TFRC: variants seen among roughly 807,000 people sequenced by gnomAD.
TFRC encodes transferrin receptor protein 1.
TFRC carries 35 observed loss-of-function variants against 85.8 expected under a neutral mutation model. That is an observed-to-expected ratio of 0.41 (90% CI 0.31 to 0.54). TFRC has a LOEUF of 0.54. Among genes scored for constraint, TFRC ranks in the 20% least tolerant of loss-of-function variants. The pLI is 0.31. For missense variants in TFRC, 828 were observed against 921.5 expected (o/e 0.90, Z 1.31); for synonymous variants, 362 against 328.6 (o/e 1.10, Z -1.10).
intron 6 of TFRC, among the ~76,000 whole-genome samples, chr3:196,071,186 T>C (rs1374351502): frequency 1.3e-5 from 2 of 152,170 alleles, no homozygotes; most frequent in Non-Finnish European, 2.9e-5. Context: ...CTGCTAGCAG[T>C]ACTATAAAGA....
intron 1 of TFRC, among the ~76,000 whole-genome samples, chr3:196,080,864 C>T (rs1286465172): frequency 3.9e-5 from 6 of 152,174 alleles, no homozygotes; most frequent in African/African-American, 1.2e-4. Flanking sequence ...CCAGCAGGGT[C>T]CACAAGTACT....
rs41300405 is a variant in TFRC, at chr3:196,081,558, C to A, written c.-24+485G>T. Among the ~76,000 whole-genome samples, 1,402 of 152,334 alleles carry A rather than the reference C, an allele frequency of 9.2e-3. 27 individuals are homozygous for A. Among genetic ancestry groups the A allele is most frequent in the African/African-American group, 0.032 (1,346 of 41,576 alleles). ...CGACTTCCTGGAGCAGCCACGTGTT[C>A]CCCCGGCGCCGCACGCCGCGCAGCT... On this transcript the variant is annotated intron_variant, in intron 1 of 18. Transcript: ENST00000360110.
At chr3:196,053,655 A>C (rs371146833) in intron 17 of TFRC, 97 bp from the exon 18 acceptor site, 3 of 1,496,698 alleles carry the variant, frequency 2.0e-6, no homozygotes, top group East Asian at 2.3e-5. Flanking sequence ...GATTCTGATA[A>C]AAGGAACTCG....
At chr3:196,070,705 G>C (rs11185506) in intron 6 of TFRC, among the ~76,000 whole-genome samples, 71,889 of 150,312 alleles carry the variant, frequency 0.48, 18,991 homozygotes, top group Non-Finnish European at 0.61. Context: ...TGAGGGTGGT[G>C]AATCACCTGA....
Position 196,052,078 on chromosome 3 carries a change from A to G in TFRC, c.2147T>C (p.Leu716Ser), listed in dbSNP as rs1177751232. The G allele has an allele frequency of 1.2e-6, 2 of 1,613,972 alleles. No homozygotes were observed. The highest frequency in any genetic ancestry group is 1.7e-6 in the Non-Finnish European group (2 of 1,180,008). The change falls in exon 19 of 19, where the codon TTG becomes TCG. Residue 716 changes from leucine (L) to serine (S), a missense_variant. Leu to Ser is a moderately radical substitution (Grantham distance 145). Coordinates refer to ENST00000360110, the MANE Select transcript of TFRC (RefSeq NM_001128148.3). ...ACCGTTATTTTGTTTACGCAGTTTCAAGTTCTCCAGTAAAGCTGGCAGCGT... is the reference window on the plus strand; with the variant it reads ...ACCGTTATTTTGTTTACGCAGTTTCGAGTTCTCCAGTAAAGCTGGCAGCGT... ...SHTLPALLENLKLRKQNNGAF... is the reference protein window; with the variant it reads ...SHTLPALLENSKLRKQNNGAF...
chr3:196,053,451 A>C lies in TFRC; in HGVS notation c.2007T>G (p.Phe669Leu). Residue 669 changes from phenylalanine to leucine, a missense_variant, in exon 18 of 19, where the codon TTT (phenylalanine) becomes TTG (leucine). By Grantham distance (22) the Phe-to-Leu change is conservative. Coordinates refer to ENST00000360110, the MANE Select transcript of TFRC (RefSeq NM_001128148.3). ...DFGNAEKTDRFVMKKLNDRVM... is the reference protein window; with the variant it reads ...DFGNAEKTDRLVMKKLNDRVM... Reference sequence around the variant, plus strand: ...CACGATCATTGAGTTTCTTCATGACAAATCTGTCTGTTTTCTCAGCATTCC... The same window carrying C: ...CACGATCATTGAGTTTCTTCATGACCAATCTGTCTGTTTTCTCAGCATTCC... The C allele has an allele frequency of 1.9e-6, 3 of 1,614,216 alleles. No individual in the cohort carries two copies. The highest frequency in any genetic ancestry group is 2.5e-6 in the Non-Finnish European group (3 of 1,180,032).
At chr3:196,053,074 A>G (rs1716472967) in intron 18 of TFRC, among the ~76,000 whole-genome samples, 2 of 151,924 alleles carry the variant, frequency 1.3e-5, no homozygotes, top group South Asian at 4.2e-4. Context: ...AGACCGTGCC[A>G]TTGCACTCCA....
chr3:196,074,738 G>C (rs1249435546), intron 3 of TFRC, among the ~76,000 whole-genome samples: 1 of 152,040 alleles, frequency 6.6e-6, no homozygotes, highest in Non-Finnish European at 1.5e-5. Context: ...AATTAGCCAG[G>C]TGTGGTGGTG....
intron 11 of TFRC, 102 bp downstream of exon 11, chr3:196,064,207 T>G (rs1717518661): frequency 8.4e-5 from 107 of 1,270,644 alleles, no homozygotes; most frequent in East Asian, 3.3e-4. Context: ...GAGTCTAGCA[T>G]GAGAACCACA....
chr3:196,053,328 C>T (rs1283744439), intron 18 of TFRC, 90 bp downstream of exon 18: 5 of 1,430,610 alleles, frequency 3.5e-6, no homozygotes, highest in East Asian at 4.6e-5. Context: ...GAATTCTAGA[C>T]TCCTAGAGTT....
chr3:196,065,434 G>GGGGGGGGTTT lies in TFRC; in HGVS notation c.1198+8_1198+9insAAACCCCCCC. 1.6e-6 allele frequency: 1 copy of GGGGGGGGTTT among 621,572 alleles called. No individual in the cohort carries two copies. The highest frequency in any genetic ancestry group is 2.2e-6 in the Non-Finnish European group (1 of 454,808). 38.5% of individuals were successfully genotyped at this position (621,572 alleles called of 1,614,324 possible). A position where few individuals can be genotyped will look rare whatever the true frequency, so the allele number is the denominator to read the frequency against. ...AAGCGGGGCGGGGGGGGGGGGGGGC[G>GGGGGGGGTTT]GTCTTTACCTGGTTCTACAAAGCCT... On this transcript the variant is annotated intron_variant, in intron 10 of 18. Coordinates refer to ENST00000360110, the MANE Select transcript of TFRC (RefSeq NM_001128148.3).
chr3:196,077,446 T>C lies in TFRC; in HGVS notation c.-23-324A>G, dbSNP rs1352538890. ...ATTATAAGTACGAACCACTATGTTC[T>C]GAGTAGACAAAAGTGACACATACTG... is the stretch of plus-strand genomic sequence containing the variant. On this transcript the variant is annotated intron_variant, in intron 1 of 18. Transcript: ENST00000360110. Among the ~76,000 whole-genome samples the C allele has an allele frequency of 1.3e-5, 2 of 151,650 alleles. 1 individual carries two copies. Among genetic ancestry groups the C allele is most frequent in the South Asian group, 4.2e-4 (2 of 4,746 alleles).
chr3:196,064,446 G>T lies in TFRC; in HGVS notation c.1199-18C>A. 1 of 1,569,512 alleles carries T rather than the reference G, an allele frequency of 6.4e-7. No homozygotes were observed. The highest frequency in any genetic ancestry group is 8.6e-7 in the Non-Finnish European group (1 of 1,166,576). ...ATAGTGATCTTTAAAAAAGAAAAAA[G>T]AGGAAGAAAGAACTTATATAATCAG... On this transcript the variant is annotated intron_variant, in intron 10 of 18. Coordinates refer to ENST00000360110, the MANE Select transcript of TFRC (RefSeq NM_001128148.3).
intron 7 of TFRC, 27 bp from the exon 8 acceptor site, chr3:196,068,157 A>G (rs1353077474): frequency 6.4e-7 from 1 of 1,556,156 alleles, no homozygotes; most frequent in Admixed American, 1.7e-5. Context: ...AAAGCTCAGA[A>G]AATGAAGATC....
At position 196,074,059 on chromosome 3, in the gene TFRC, G is replaced by T. The variant is rs767186270; in HGVS notation, c.305C>A (p.Ala102Glu). 2.5e-5 allele frequency: 41 copies of T among 1,613,968 alleles called. No homozygotes were observed. In the East Asian group the frequency reaches 8.5e-4, roughly 33 times the overall value. Residue 102 changes from alanine to glutamate, a missense_variant, in exon 4 of 19, where the codon GCA (alanine) becomes GAA (glutamate). Coordinates refer to ENST00000360110, the MANE Select transcript of TFRC (RefSeq NM_001128148.3). ...CTCCCTCACTGGAGACTCGGTTCCT[G>T]CCAGTCTCTCACACTCAGTTTTTGG... Reference protein sequence around the residue: ...VEPKTECERLAGTESPVREEP... With the variant: ...VEPKTECERLEGTESPVREEP...
chr3:196,065,428 G>GGA lies in TFRC; in HGVS notation c.1198+14_1198+15insTC. On this transcript the variant is annotated intron_variant, in intron 10 of 18. Coordinates refer to ENST00000360110, the MANE Select transcript of TFRC (RefSeq NM_001128148.3). Reference sequence around the variant, plus strand: ...AAAAAAAAGCGGGGCGGGGGGGGGGGGGGGCGGTCTTTACCTGGTTCTACA... The same window carrying GGA: ...AAAAAAAAGCGGGGCGGGGGGGGGGGGAGGGGCGGTCTTTACCTGGTTCTACA... 1 of 675,944 alleles carries GGA rather than the reference G, an allele frequency of 1.5e-6. No individual in the cohort carries two copies. The highest frequency in any genetic ancestry group is 2.0e-6 in the Non-Finnish European group (1 of 493,298). 41.9% of individuals were successfully genotyped at this position (675,944 alleles called of 1,614,324 possible).
At chr3:196,059,354 G>A (rs1348641486) in intron 14 of TFRC, among the ~76,000 whole-genome samples, 1 of 152,050 alleles carries the variant, frequency 6.6e-6, no homozygotes, top group Non-Finnish European at 1.5e-5. Context: ...ACAAAACCAT[G>A]GTGGCTTACC....
intron 17 of TFRC, among the ~76,000 whole-genome samples, chr3:196,054,816 G>A (rs1716637860): frequency 6.6e-6 from 1 of 152,200 alleles, no homozygotes; most frequent in African/African-American, 2.4e-5. Context: ...CTACTGACGG[G>A]CTGCCTGGGA....
At chr3:196,063,168 G>C (rs1020298433) in intron 11 of TFRC, 6 of 434,822 alleles carry the variant, frequency 1.4e-5, no homozygotes, top group Non-Finnish European at 2.1e-5. Context: ...CCTACAAAGA[G>C]CAAGATAGGA....
Sources: gnomAD v4.1 joint callset for allele counts (sites outside exome capture counted in the v4.1 genomes callset) on GRCh38, gnomAD v4.1.1 for gene constraint, MANE v1.5 for transcripts, NCBI Gene and HGNC (gene_info 2026-07-23, HGNC 2026-07-21) for gene names.